Variants in EML1 observed in about 807,000 individuals in gnomAD.
The protein encoded by EML1 is EMAP like 1.
In EML1, 27 loss-of-function variants were observed where a neutral mutation model predicts 110.4. The observed-to-expected ratio is 0.24, with a 90% CI of 0.18 to 0.34. The LOEUF (loss-of-function observed/expected upper bound fraction) is 0.34, where lower values mean the gene tolerates loss of function less well. Ranked by LOEUF, EML1 falls within the 10% of genes least tolerant of loss-of-function variation. The pLI, the probability that EML1 is intolerant of heterozygous loss-of-function variation, is 1.00. For missense variants in EML1, 741 were observed against 1,030.9 expected (o/e 0.72, Z 3.85); for synonymous variants, 344 against 385.8 (o/e 0.89, Z 1.27).
chr14:99,817,207 T>A (rs972861015), intron 1 of EML1, among the ~76,000 whole-genome samples: 1 of 152,152 alleles, frequency 6.6e-6, no homozygotes, highest in African/African-American at 2.4e-5. Flanking sequence ...TATAGAACAC[T>A]CAGGTGTGAA....
chr14:99,896,585 A>AT lies in EML1; in HGVS notation c.678-553dup, dbSNP rs532040573. Among the ~76,000 whole-genome samples the AT allele has an allele frequency of 4.7e-3, 719 of 152,290 alleles. 2 individuals are homozygous for AT. The highest frequency in any genetic ancestry group is 0.016 in the African/African-American group (678 of 41,544). On this transcript the variant is annotated intron_variant, in intron 6 of 21. Transcript: ENST00000262233. Reference sequence around the variant, plus strand: ...ATGAAATTTGCTCTAAATAAATGGCATTTTTTTGGCCATTATTTGGCATCT... The same window carrying AT: ...ATGAAATTTGCTCTAAATAAATGGCATTTTTTTTGGCCATTATTTGGCATCT...
intron 4 of EML1, among the ~76,000 whole-genome samples, chr14:99,879,961 A>G (rs747539350): frequency 2.0e-5 from 3 of 152,204 alleles, no homozygotes; most frequent in Non-Finnish European, 4.4e-5. Context: ...TGTAAACTCC[A>G]GATCCATTTT....
intron 2 of EML1, among the ~76,000 whole-genome samples, chr14:99,861,981 A>T (rs1381976240): frequency 1.3e-5 from 2 of 152,018 alleles, no homozygotes; most frequent in African/African-American, 2.4e-5. Context: ...CTCTATTGGG[A>T]TTTCCTTAGT....
intron 9 of EML1, 185 bp from the exon 10 acceptor site, chr14:99,907,453 G>A: frequency 1.6e-6 from 1 of 617,914 alleles, no homozygotes. Context: ...GGATGACAGA[G>A]CAAAACCCTG....
chr14:99,843,265 A>G (rs948116745), intron 1 of EML1, among the ~76,000 whole-genome samples: 2 of 152,220 alleles, frequency 1.3e-5, no homozygotes, highest in African/African-American at 2.4e-5. Context: ...GAAAAAAAAT[A>G]AATGCATGAG....
chr14:99,851,485 T>C (rs1027402254), intron 2 of EML1, among the ~76,000 whole-genome samples: 1 of 152,114 alleles, frequency 6.6e-6, no homozygotes, highest in African/African-American at 2.4e-5. Context: ...TTTTTTGTAT[T>C]TTTAGTGGAG....
chr14:99,777,686 C>T (rs189195752), intron 1 of EML1, among the ~76,000 whole-genome samples: 2 of 152,338 alleles, frequency 1.3e-5, no homozygotes, highest in East Asian at 3.9e-4. Context: ...TCCAAAAGTG[C>T]TGGGATTAGA....
chr14:99,739,119 AGTGTGTGT>A (rs71113220), intron 1 of EML1, among the ~76,000 whole-genome samples: 26,635 of 134,806 alleles, frequency 0.2, 2,795 homozygotes, highest in East Asian at 0.39. Flanking sequence ...AGAGAGAGAG[AGTGTGTGT>A]GTGTGTGTGT....
intron 1 of EML1, among the ~76,000 whole-genome samples, chr14:99,746,889 G>A (rs1334841887): frequency 1.3e-5 from 2 of 152,188 alleles, no homozygotes; most frequent in Non-Finnish European, 2.9e-5. Flanking sequence ...AAGTGGCCGG[G>A]TGCTCTGGTT....
At chr14:99,932,141 T>C (rs2060381986) in intron 17 of EML1, among the ~76,000 whole-genome samples, 6 of 152,178 alleles carry the variant, frequency 3.9e-5, no homozygotes, top group Admixed American at 3.9e-4. Flanking sequence ...TTCGTGCCTG[T>C]GCAGAGGCCT....
intron 2 of EML1, among the ~76,000 whole-genome samples, chr14:99,859,706 G>C (rs1236902495): frequency 3.3e-5 from 5 of 152,106 alleles, no homozygotes; most frequent in African/African-American, 1.2e-4. Flanking sequence ...GCTGGTTTTG[G>C]GGGAGAATGT....
intron 1 of EML1, among the ~76,000 whole-genome samples, chr14:99,798,728 T>A (rs1359294219): frequency 1.3e-5 from 2 of 152,170 alleles, no homozygotes; most frequent in Non-Finnish European, 2.9e-5. Context: ...TTATATAGAC[T>A]CCATTTCTTG....
intron 1 of EML1, among the ~76,000 whole-genome samples, chr14:99,810,792 A>G (rs1346728375): frequency 6.6e-6 from 1 of 152,212 alleles, no homozygotes; most frequent in African/African-American, 2.4e-5. Flanking sequence ...ATAACATATT[A>G]CATGTTTCAA....
intron 1 of EML1, among the ~76,000 whole-genome samples, chr14:99,837,976 T>G (rs1466113435): frequency 6.6e-6 from 1 of 152,080 alleles, no homozygotes; most frequent in East Asian, 1.9e-4. Flanking sequence ...ATTTTTTAAA[T>G]CTTTTGTAGA....
At chr14:99,832,046 T>C (rs2058464929) in intron 1 of EML1, among the ~76,000 whole-genome samples, 1 of 152,118 alleles carries the variant, frequency 6.6e-6, no homozygotes, top group South Asian at 2.1e-4. Flanking sequence ...TTGTCAGCCC[T>C]CCCTGCCCCC....
At chr14:99,775,454 C>G (rs2057471542) in intron 1 of EML1, among the ~76,000 whole-genome samples, 1 of 152,246 alleles carries the variant, frequency 6.6e-6, no homozygotes, top group Non-Finnish European at 1.5e-5. Context: ...AAGGGACAGT[C>G]AAGATGTGAG....
intron 1 of EML1, among the ~76,000 whole-genome samples, chr14:99,755,926 G>T (rs944035352): frequency 2.6e-5 from 4 of 152,176 alleles, no homozygotes; most frequent in Non-Finnish European, 4.4e-5. Flanking sequence ...TCACAGGCGA[G>T]GAACCCGAGG....
In EML1 at chr14:99,850,295, T is replaced by A. The variant is rs888116484; in HGVS notation, c.68-558T>A. On this transcript the variant is annotated intron_variant, in intron 1 of 21. Coordinates refer to ENST00000262233, the MANE Select transcript of EML1 (RefSeq NM_004434.3). ...AGGCGAAGAAGATCACGGAGAGGTT[T>A]ATAGACCCTGATAAGGAGTTGGAAA... The A allele has an allele frequency of 1.1e-5, 14 of 1,288,814 alleles. No individual in the cohort carries two copies. The African/African-American group carries it at 2.1e-4, about 20-fold the overall frequency. The allele number at this position is 1,288,814 out of a possible 1,614,324, so 79.8% of individuals were successfully genotyped here.
Position 99,940,078 on chromosome 14 carries a change from A to T in EML1, c.2414A>T (p.Lys805Ile). 1 of 1,603,158 alleles carries T rather than the reference A, an allele frequency of 6.2e-7. No homozygotes were observed. The change falls in exon 22 of 22, where the codon AAA (lysine) becomes ATA (isoleucine). Residue 805 changes from lysine to isoleucine, a missense_variant. Lys to Ile is a moderately radical substitution (Grantham distance 102). Around this residue, in one of 4 missense-constraint regions of EML1, gnomAD observed 114 missense variants for 122.5 expected, o/e 0.93. Transcript: ENST00000262233. ...AGCCACCTCATCTCCACGGGCGGGA[A>T]AGACACAAGCATCATGCAGTGGCGC... ...EDSHLISTGG[K>I]DTSIMQWRVI
Sources: gnomAD v4.1 joint callset for allele counts (sites outside exome capture counted in the v4.1 genomes callset) on GRCh38, gnomAD v4.1.1 for gene constraint, gnomAD v4.1.1 regional missense constraint, MANE v1.5 for transcripts, NCBI Gene and HGNC (gene_info 2026-07-23, HGNC 2026-07-21) for gene names.